The following SNX22 variants were observed in gnomAD, a reference collection of about 807,000 sequenced individuals.
SNX22 encodes the protein sorting nexin 22.
A neutral mutation model predicts 24.7 loss-of-function variants in SNX22; 23 were observed. The observed-to-expected ratio is 0.93, with a 90% confidence interval of 0.67 to 1.32. The LOEUF (loss-of-function observed/expected upper bound fraction) is 1.32, where lower values mean the gene tolerates loss of function less well. Ranked by LOEUF, SNX22 falls within the 40% of genes most tolerant of loss-of-function variation. SNX22 has a pLI of 0.00. For missense variants in SNX22, 261 were observed against 249.9 expected, an observed-to-expected ratio of 1.04 and a Z score of -0.30; for synonymous variants, 99 against 104.0, an observed-to-expected ratio of 0.95 and a Z score of 0.29.
chr15:64,154,641 C>A lies in SNX22; in HGVS notation c.*133C>A. On this transcript the variant is annotated 3_prime_UTR_variant, in exon 7 of 7. Transcript: ENST00000325881. The stretch of plus-strand genomic sequence containing the variant: ...CCAGTGCCCAGTTGTGCCACATTCC[C>A]ACTCAAGGCTCAGAACTTGGCTCGC... The A allele has an allele frequency of 1.6e-6, 2 of 1,218,444 alleles. No individual in the cohort carries two copies. Among genetic ancestry groups the A allele is most frequent in the Non-Finnish European group, 2.3e-6 (2 of 872,398 alleles). The allele number at this position is 1,218,444 out of a possible 1,614,324, so 75.5% of individuals were successfully genotyped here. A position where few individuals can be genotyped will look rare whatever the true frequency, so the allele number is the denominator to read the frequency against.
intron 6 of SNX22, 71 bp from the exon 7 acceptor site, chr15:64,154,316 G>C: frequency 6.2e-7 from 1 of 1,601,694 alleles, no homozygotes; most frequent in Admixed American, 1.7e-5. Context: ...CCCAAGTGGG[G>C]GCTGAGCCCA....
Position 64,154,320 on chromosome 15 carries a change from G to A in SNX22, c.461-67G>A, listed in dbSNP as rs769255233. ...GGGCTCCTACTCCCAAGTGGGGGCT[G>A]AGCCCATGAGCAGGAGCTCAAGGAG... On this transcript the variant is annotated intron_variant, in intron 6 of 6. Transcript: ENST00000325881. 9 of 1,602,728 alleles carry A rather than the reference G, an allele frequency of 5.6e-6. No homozygotes were observed. In the Admixed American group the frequency reaches 1.4e-4, roughly 24 times the overall value.
intron 3 of SNX22, chr15:64,152,954 C>CATGG (rs2081498013): frequency 1.6e-6 from 1 of 609,594 alleles, no homozygotes; most frequent in Admixed American, 3.0e-5. Flanking sequence ...CAGGTAGTCC[C>CATGG]AGCTCCATGA....
rs2081521115 is a variant in SNX22, at chr15:64,155,489, CAT to C, written c.*983_*984del. On this transcript the variant is annotated 3_prime_UTR_variant, in exon 7 of 7. Transcript: ENST00000325881. ...GGAAGTTTGAGACCAGCCAGCGCAACATAGTGAGACCTGTCTCTACCAAAAAA... is the reference window on the plus strand; with the variant it reads ...GGAAGTTTGAGACCAGCCAGCGCAACAGTGAGACCTGTCTCTACCAAAAAA... The C allele has an allele frequency of 7.0e-6, 1 of 142,088 alleles. No homozygotes were observed. The highest frequency in any genetic ancestry group is 1.4e-5 in the Non-Finnish European group (1 of 71,698). The allele number at this position is 142,088 out of a possible 1,614,324, so 8.8% of individuals were successfully genotyped here.
chr15:64,154,695 A>G lies in SNX22; in HGVS notation c.*187A>G. On this transcript the variant is annotated 3_prime_UTR_variant, in exon 7 of 7. Coordinates refer to ENST00000325881, the MANE Select transcript of SNX22 (RefSeq NM_024798.3). Reference sequence around the variant, plus strand: ...GGTAGCTGGAGGTGGTAGAATTTGTATGCTCTTAGAGCCCAACAGCCAAGG... The same window carrying G: ...GGTAGCTGGAGGTGGTAGAATTTGTGTGCTCTTAGAGCCCAACAGCCAAGG... 1.4e-6 allele frequency: 1 copy of G among 700,856 alleles called. No individual in the cohort carries two copies. The highest frequency in any genetic ancestry group is 2.3e-6 in the Non-Finnish European group (1 of 431,024). 43.4% of individuals were successfully genotyped at this position (700,856 alleles called of 1,614,324 possible). A position where few individuals can be genotyped will look rare whatever the true frequency, so the allele number is the denominator to read the frequency against.
At position 64,155,590 on chromosome 15, in the gene SNX22, A is replaced by G. The variant is rs1596026697; in HGVS notation, c.*1082A>G. On this transcript the variant is annotated 3_prime_UTR_variant, in exon 7 of 7. Coordinates refer to ENST00000325881, the MANE Select transcript of SNX22 (RefSeq NM_024798.3). ...AGATACATCCCTTAACATAGACTGG[A>G]GGGTGGTGGCAAGGGGAGCAAATGT... 4.2e-6 allele frequency: 1 copy of G among 235,940 alleles called. No homozygotes were observed. The highest frequency in any genetic ancestry group is 8.4e-6 in the Non-Finnish European group (1 of 119,452). 14.6% of individuals were successfully genotyped at this position (235,940 alleles called of 1,614,324 possible). A position where few individuals can be genotyped will look rare whatever the true frequency, so the allele number is the denominator to read the frequency against.
At position 64,154,551 on chromosome 15, in the gene SNX22, C is replaced by T; in HGVS notation, c.*43C>T. ...GGCTGCCTCCTAAGAAAGTCATGTG[C>T]CTCTGTCCTATGAACTCCATATAAG... On this transcript the variant is annotated 3_prime_UTR_variant, in exon 7 of 7. Transcript: ENST00000325881. 6.2e-7 allele frequency: 1 copy of T among 1,609,840 alleles called. No individual in the cohort carries two copies. The highest frequency in any genetic ancestry group is 8.5e-7 in the Non-Finnish European group (1 of 1,177,340).
At chr15:64,152,515 A>G in intron 2 of SNX22, 123 bp from the exon 3 acceptor site, 1 of 1,234,440 alleles carries the variant, frequency 8.1e-7, no homozygotes, top group East Asian at 2.5e-5. Flanking sequence ...CCGGTCCACC[A>G]CTCACCAGGG....
rs537063498 is a variant in SNX22, at chr15:64,152,561, A to G, written c.160-77A>G. ...TAGAGCCCGAAGGCGGGGGCGCGGG[A>G]GGGCTTCTGGCTGGGGCGAAGAGGG... On this transcript the variant is annotated intron_variant, in intron 2 of 6. Coordinates refer to ENST00000325881, the MANE Select transcript of SNX22 (RefSeq NM_024798.3). 7.9e-4 allele frequency: 1,117 copies of G among 1,419,630 alleles called. 10 individuals carry two copies. The African/African-American group carries it at 0.014, about 17-fold the overall frequency. 87.9% of individuals were successfully genotyped at this position (1,419,630 alleles called of 1,614,324 possible).
At position 64,156,756 on chromosome 15, in the gene SNX22, T is replaced by G; in HGVS notation, c.*2248T>G. The G allele has an allele frequency of 2.5e-6, 4 of 1,614,172 alleles. No individual in the cohort carries two copies. The highest frequency in any genetic ancestry group is 3.4e-6 in the Non-Finnish European group (4 of 1,180,028). ...CTCTAGAACTTTGCCAAACACCACA[T>G]GCTTGCCATCTAGCCAGGCTGTCTT... On this transcript the variant is annotated 3_prime_UTR_variant, in exon 7 of 7. Coordinates refer to ENST00000325881, the MANE Select transcript of SNX22 (RefSeq NM_024798.3). This position sits in a 1 kb window ranked among gnomAD's most constrained non-coding sequence, Gnocchi z 6.4.
intron 1 of SNX22, 43 bp from the exon 2 acceptor site, chr15:64,152,200 G>T (rs890448155): frequency 1.5e-6 from 2 of 1,368,452 alleles, no homozygotes; most frequent in Admixed American, 3.8e-5. Flanking sequence ...GCGTCCTCCC[G>T]CGGGGCCTCA....
Position 64,156,589 on chromosome 15 carries a change from G to A in SNX22, c.*2081G>A. ...GGCATGGAGGTACAGGGTTTATTCT[G>A]GACAGGAGCACTGGGCTGCATCTGT... On this transcript the variant is annotated 3_prime_UTR_variant, in exon 7 of 7. Coordinates refer to ENST00000325881, the MANE Select transcript of SNX22 (RefSeq NM_024798.3). This position sits in a 1 kb window ranked among gnomAD's most constrained non-coding sequence, Gnocchi z 6.4. 1 of 1,078,012 alleles carries A rather than the reference G, an allele frequency of 9.3e-7. No homozygotes were observed. Among genetic ancestry groups the A allele is most frequent in the South Asian group, 1.3e-5 (1 of 79,362 alleles). 66.8% of individuals were successfully genotyped at this position (1,078,012 alleles called of 1,614,324 possible).
At chr15:64,152,551 G>C in intron 2 of SNX22, 87 bp from the exon 3 acceptor site, 2 of 1,384,154 alleles carry the variant, frequency 1.4e-6, no homozygotes, top group Non-Finnish European at 2.0e-6. Context: ...CCCGAAGGCG[G>C]GGGCGCGGGA....
chr15:64,154,060 G>T (rs1195688789), intron 6 of SNX22, 58 bp downstream of exon 6: 1 of 1,613,824 alleles, frequency 6.2e-7, no homozygotes, highest in Admixed American at 1.7e-5. Flanking sequence ...TGCATTTCTC[G>T]GCTCCTGGGA....
chr15:64,152,518 C>A, intron 2 of SNX22, 120 bp from the exon 3 acceptor site: 1 of 1,245,318 alleles, frequency 8.0e-7, no homozygotes, highest in Non-Finnish European at 1.1e-6. Context: ...GTCCACCACT[C>A]ACCAGGGTCT....
Position 64,156,576 on chromosome 15 carries a change from C to G in SNX22, c.*2068C>G. On this transcript the variant is annotated 3_prime_UTR_variant, in exon 7 of 7. Transcript: ENST00000325881. The surrounding 1 kb of genome is among the most constrained non-coding windows in gnomAD (Gnocchi z 6.4). The stretch of plus-strand genomic sequence containing the variant: ...TTAGAACCTTGGAGGCATGGAGGTA[C>G]AGGGTTTATTCTGGACAGGAGCACT... 1.0e-6 allele frequency: 1 copy of G among 992,606 alleles called. No individual in the cohort carries two copies. The highest frequency in any genetic ancestry group is 1.6e-6 in the Non-Finnish European group (1 of 623,500). The allele number at this position is 992,606 out of a possible 1,614,324, so 61.5% of individuals were successfully genotyped here. A position where few individuals can be genotyped will look rare whatever the true frequency, so the allele number is the denominator to read the frequency against.
At chr15:64,152,825 G>A in intron 3 of SNX22, 83 bp downstream of exon 3, 2 of 1,257,170 alleles carry the variant, frequency 1.6e-6, no homozygotes, top group Non-Finnish European at 2.3e-6. Context: ...GGCATGGCAG[G>A]GAGGGAACCC....
Position 64,157,240 on chromosome 15 carries a change from G to T in SNX22, c.*2732G>T. ...GGCCTGCCACGGAGGGACTTTGGTGGAGGGAAGTGCCGTGCAGGATGCAGG... is the reference window on the plus strand; with the variant it reads ...GGCCTGCCACGGAGGGACTTTGGTGTAGGGAAGTGCCGTGCAGGATGCAGG... On this transcript the variant is annotated 3_prime_UTR_variant, in exon 7 of 7. Coordinates refer to ENST00000325881, the MANE Select transcript of SNX22 (RefSeq NM_024798.3). This position sits in a 1 kb window ranked among gnomAD's most constrained non-coding sequence, Gnocchi z 4.2. 2.6e-6 allele frequency: 1 copy of T among 380,074 alleles called. No homozygotes were observed. The highest frequency in any genetic ancestry group is 4.9e-6 in the Non-Finnish European group (1 of 202,822). 23.5% of individuals were successfully genotyped at this position (380,074 alleles called of 1,614,324 possible).
chr15:64,155,985 T>C lies in SNX22; in HGVS notation c.*1477T>C, dbSNP rs1476624666. The C allele has an allele frequency of 1.9e-6, 3 of 1,613,912 alleles. No individual in the cohort carries two copies. The highest frequency in any genetic ancestry group is 1.7e-5 in the Admixed American group (1 of 60,026). On this transcript the variant is annotated 3_prime_UTR_variant, in exon 7 of 7. Transcript: ENST00000325881. ...GAGCCCTGTGGCGGACTACAGGGCC[T>C]GCACAGACGGTCACTCAAAGAAAGA...
Sources: gnomAD v4.1 joint callset for allele counts on GRCh38, gnomAD v4.1.1 for gene constraint, Gnocchi (gnomAD v3.1) non-coding constraint, MANE v1.5 for transcripts, NCBI Gene and HGNC (gene_info 2026-07-23, HGNC 2026-07-21) for gene names.